UGT2B11: variants seen among roughly 807,000 people sequenced by gnomAD.
The protein encoded by UGT2B11 is UDP glucuronosyltransferase family 2 member B11, also known as UDP-glucuronosyltransferase 2B11.
UGT2B11 carries 49 observed loss-of-function variants against 51.7 expected under a neutral mutation model. That is an observed-to-expected ratio of 0.95 (90% CI 0.75 to 1.20). UGT2B11 has a LOEUF of 1.20. Among genes scored for constraint, UGT2B11 ranks in the 50% most tolerant of loss-of-function variants. The pLI is 0.00. For synonymous variants in UGT2B11, 273 were observed against 209.0 expected, an observed-to-expected ratio of 1.31 and a Z score of -2.64; for missense variants, 810 against 622.1, an observed-to-expected ratio of 1.30 and a Z score of -3.21.
At chr4:69,206,388 T>C (rs1316675808) in intron 3 of UGT2B11, among the ~76,000 whole-genome samples, 1 of 151,648 alleles carries the variant, frequency 6.6e-6, no homozygotes, top group Non-Finnish European at 1.5e-5. Flanking sequence ...AATCCAAATG[T>C]GACATGTCCT....
upstream of UGT2B11, chr4:69,214,771 C>G: frequency 1.9e-6 from 3 of 1,582,008 alleles, no homozygotes; most frequent in Non-Finnish European, 2.6e-6. Flanking sequence ...CTTTCTCATA[C>G]TTATATACAG....
intron 5 of UGT2B11, among the ~76,000 whole-genome samples, chr4:69,201,710 A>G (rs1312280628): frequency 6.6e-6 from 1 of 151,740 alleles, no homozygotes; most frequent in East Asian, 2.0e-4. Flanking sequence ...CTTTTACTGG[A>G]CAATGATGGA....
upstream of UGT2B11, chr4:69,215,835 C>T (rs1168319436): frequency 6.6e-6 from 1 of 151,324 alleles, no homozygotes. Context: ...AAACACACTC[C>T]AACAGACCCA....
chr4:69,211,221 A>T (rs1380064647), intron 2 of UGT2B11: 1 of 151,594 alleles, frequency 6.6e-6, no homozygotes, highest in East Asian at 1.9e-4. Flanking sequence ...TGTTAAAGTC[A>T]AGTGAACCCT....
In UGT2B11 at chr4:69,199,976, T is replaced by G. The variant is rs1481977740; in HGVS notation, c.*464A>C. On this transcript the variant is annotated 3_prime_UTR_variant, in exon 6 of 6. Transcript: ENST00000446444. ...TACAATTTAACTATGTAATAGTTTC[T>G]TTAGCAACAGTTAAAACAACAGAAT... The G allele has an allele frequency of 1.3e-5, 2 of 154,072 alleles. No individual in the cohort carries two copies. Among genetic ancestry groups the G allele is most frequent in the African/African-American group, 2.4e-5 (1 of 41,468 alleles). 9.5% of individuals were successfully genotyped at this position (154,072 alleles called of 1,614,324 possible). A position where few individuals can be genotyped will look rare whatever the true frequency, so the allele number is the denominator to read the frequency against.
chr4:69,200,967 A>G (rs1185846025), intron 5 of UGT2B11, among the ~76,000 whole-genome samples: 1 of 151,694 alleles, frequency 6.6e-6, no homozygotes, highest in East Asian at 2.0e-4. Context: ...TTTCAAGCAG[A>G]GAAAATATAA....
At chr4:69,211,702 A>G (rs1722070912) in intron 2 of UGT2B11, among the ~76,000 whole-genome samples, 1 of 151,520 alleles carries the variant, frequency 6.6e-6, no homozygotes, top group Admixed American at 6.6e-5. Context: ...CCACTTTTCC[A>G]TCATCTGTTA....
At chr4:69,202,590 G>A (rs1200909593) in intron 5 of UGT2B11, among the ~76,000 whole-genome samples, 1 of 151,562 alleles carries the variant, frequency 6.6e-6, no homozygotes, top group Non-Finnish European at 1.5e-5. Flanking sequence ...ACATACATGT[G>A]TATTGTATAT....
In UGT2B11 at chr4:69,200,646, A is replaced by G. The variant is rs1721621898; in HGVS notation, c.1384T>C (p.Phe462Leu). ...QPVKPLDRAV[F>L]WIEFVMPHKG... ...TGGGGCATGACAAATTCAATCCAGA[A>G]GACTGCTCGATCCAGGGGCTTTACT... The change falls in exon 6 of 6, where the codon TTC (phenylalanine) becomes CTC (leucine). Residue 462 changes from phenylalanine (F) to leucine (L), a missense_variant. By Grantham distance (22) the Phe-to-Leu change is conservative. Transcript: ENST00000446444. 1 of 1,612,456 alleles carries G rather than the reference A, an allele frequency of 6.2e-7. No homozygotes were observed. The highest frequency in any genetic ancestry group is 8.5e-7 in the Non-Finnish European group (1 of 1,178,934).
chr4:69,214,954 T>G (rs547542466), upstream of UGT2B11: 1 of 638,136 alleles, frequency 1.6e-6, no homozygotes, highest in Non-Finnish European at 2.4e-6. Context: ...CACCTAAGAT[T>G]AATGACCTTG....
intron 3 of UGT2B11, among the ~76,000 whole-genome samples, chr4:69,207,885 T>C (rs1274119390): frequency 2.0e-5 from 3 of 151,576 alleles, no homozygotes; most frequent in Non-Finnish European, 3.0e-5. Flanking sequence ...TTGAAGAAAA[T>C]GATCATAAGT....
Position 69,212,660 on chromosome 4 carries a change from G to C in UGT2B11, c.783C>G (p.Ser261=). The C allele has an allele frequency of 6.2e-7, 1 of 1,610,442 alleles. No homozygotes were observed. ...GKADIWLMRN[S]WSFQFPHPFL... is the part of the protein sequence containing the mutation. Reference sequence around the variant, plus strand: ...ATGGATGAGGAAATTGAAAACTCCAGGAGTTTCGCATAAGCCATATGTCAG... The same window carrying C: ...ATGGATGAGGAAATTGAAAACTCCACGAGTTTCGCATAAGCCATATGTCAG... The change falls in exon 2 of 6, where the codon TCC becomes TCG. Residue 261 remains serine, a synonymous_variant. Transcript: ENST00000446444.
At position 69,214,411 on chromosome 4, in the gene UGT2B11, G is replaced by C. The variant is rs777772060; in HGVS notation, c.312C>G (p.Ser104Arg). The C allele has an allele frequency of 6.2e-7, 1 of 1,612,956 alleles. No homozygotes were observed. Among genetic ancestry groups the C allele is most frequent in the Non-Finnish European group, 8.5e-7 (1 of 1,179,462 alleles). The stretch of plus-strand genomic sequence containing the variant: ...GTTCTTGTGAAAAATATAACCAAAA[G>C]CTATCTTTTCGAATGTCTGACCATC... ...VKRWSDIRKD[S>R]FWLYFSQEQE... Residue 104 changes from serine to arginine, a missense_variant, in exon 1 of 6, where the codon AGC becomes AGG. Coordinates refer to ENST00000446444, the MANE Select transcript of UGT2B11 (RefSeq NM_001073.3).
chr4:69,202,931 T>C (rs1466459737), intron 5 of UGT2B11, among the ~76,000 whole-genome samples: 2 of 151,574 alleles, frequency 1.3e-5, no homozygotes, highest in Non-Finnish European at 3.0e-5. Context: ...TTATTGAGAG[T>C]AGTTATAAAT....
chr4:69,222,198 T>C, the UGT2B11 span, among the ~76,000 whole-genome samples: 1 of 152,264 alleles, frequency 6.6e-6, no homozygotes, highest in Non-Finnish European at 1.5e-5. Context: ...AAATTTGTTC[T>C]GGGCCTAAGG....
At chr4:69,219,268 C>G (rs565842678), upstream of UGT2B11, among the ~76,000 whole-genome samples, 9 of 152,080 alleles carry the variant, frequency 5.9e-5, no homozygotes, top group East Asian at 1.7e-3. Context: ...CTTGATGTCC[C>G]TGCCCCATTT....
At chr4:69,222,460 C>T in the UGT2B11 span, among the ~76,000 whole-genome samples, 8 of 152,156 alleles carry the variant, frequency 5.3e-5, no homozygotes. Flanking sequence ...ATGCCAGCGG[C>T]CCCAGTCTCC....
At chr4:69,222,682 C>T in the UGT2B11 span, among the ~76,000 whole-genome samples, 1 of 152,202 alleles carries the variant, frequency 6.6e-6, no homozygotes, top group Non-Finnish European at 1.5e-5. Flanking sequence ...CATGTGAGAT[C>T]AAAGGACTGC....
In UGT2B11 at chr4:69,214,630, T is replaced by A. The variant is rs941287024; in HGVS notation, c.93A>T (p.Ala31=). ...GSCGKVLVWA[A]EYSHWMNMKT... ...TCATATTCATCCAATGGCTGTATTC[T>A]GCGGCCCACACCAGCACTTTTCCAC... The change falls in exon 1 of 6, where the codon GCA becomes GCT. Residue 31 remains alanine (A), a synonymous_variant. Transcript: ENST00000446444. 15 of 1,613,244 alleles carry A rather than the reference T, an allele frequency of 9.3e-6. No homozygotes were observed. In the African/African-American group the frequency reaches 1.7e-4, roughly 19 times the overall value.
Sources: gnomAD v4.1 joint callset for allele counts (sites outside exome capture counted in the v4.1 genomes callset) on GRCh38, gnomAD v4.1.1 for gene constraint, MANE v1.5 for transcripts, NCBI Gene and HGNC (gene_info 2026-07-23, HGNC 2026-07-21) for gene names.